SCN1A: variants seen among roughly 807,000 people sequenced by gnomAD.
SCN1A encodes sodium channel protein type 1 subunit alpha.
A neutral mutation model predicts 193.7 loss-of-function variants in SCN1A; 13 were observed. That is an observed-to-expected ratio of 0.07 (90% CI 0.04 to 0.11). SCN1A has a LOEUF of 0.11. Ranked by LOEUF, SCN1A falls within the 10% of genes least tolerant of loss-of-function variation. The pLI, the probability that SCN1A is intolerant of heterozygous loss-of-function variation, is 1.00. For missense variants in SCN1A, 1,432 were observed against 2,451.1 expected, an observed-to-expected ratio of 0.58 and a Z score of 8.78; for synonymous variants, 781 against 843.6, an observed-to-expected ratio of 0.93 and a Z score of 1.29.
chr2:166,111,952 T>A (rs1405276146), intron 2 of SCN1A, among the ~76,000 whole-genome samples: 1 of 152,160 alleles, frequency 6.6e-6, no homozygotes, highest in East Asian at 1.9e-4. Context: ...AGTTGCTTCT[T>A]ATAGACGAGC....
intron 1 of SCN1A, among the ~76,000 whole-genome samples, chr2:166,146,780 C>T (rs1337164099): frequency 6.6e-6 from 1 of 152,128 alleles, no homozygotes; most frequent in Non-Finnish European, 1.5e-5. Flanking sequence ...CAGTATTTAA[C>T]TTCTAAGAGC....
chr2:166,115,955 G>A (rs946863163), intron 2 of SCN1A, among the ~76,000 whole-genome samples: 5 of 152,188 alleles, frequency 3.3e-5, no homozygotes, highest in African/African-American at 7.2e-5. Flanking sequence ...AGAAGAGGTC[G>A]TGGCTATTCA....
intron 4 of SCN1A, among the ~76,000 whole-genome samples, chr2:166,070,728 G>A (rs953062994): frequency 9.2e-5 from 14 of 151,882 alleles, no homozygotes; most frequent in African/African-American, 3.4e-4. Flanking sequence ...ACATCCCCTC[G>A]AGACAATCAC....
intron 19 of SCN1A, among the ~76,000 whole-genome samples, chr2:166,030,182 CTGGAGCAGACTA>C (rs1695366822): frequency 6.6e-6 from 1 of 152,174 alleles, no homozygotes; most frequent in African/African-American, 2.4e-5. Context: ...GAGCGTGACT[CTGGAGCAGACTA>C]TGGAGCAGAC....
At chr2:166,128,871 A>G (rs1268182832), upstream of SCN1A, among the ~76,000 whole-genome samples, 1 of 152,184 alleles carries the variant, frequency 6.6e-6, no homozygotes, top group Non-Finnish European at 1.5e-5. Context: ...CAAACTAATT[A>G]TAACTCTTGG....
chr2:166,084,276 C>T (rs1372589281), intron 2 of SCN1A, among the ~76,000 whole-genome samples: 1 of 150,550 alleles, frequency 6.6e-6, no homozygotes, highest in African/African-American at 2.4e-5. Flanking sequence ...CCTCTCCCCA[C>T]CCCTTCCCAC....
chr2:166,106,104 G>A (rs184863304), intron 2 of SCN1A, among the ~76,000 whole-genome samples: 69 of 152,286 alleles, frequency 4.5e-4, no homozygotes, highest in African/African-American at 1.5e-3. Flanking sequence ...GGAGAATGGC[G>A]TGAACCTGGA....
At position 165,990,991 on chromosome 2, in the gene SCN1A, T is replaced by G; in HGVS notation, c.*254A>C. 6.3e-6 allele frequency: 3 copies of G among 473,496 alleles called. No homozygotes were observed. The highest frequency in any genetic ancestry group is 3.8e-5 in the East Asian group (1 of 26,004). The allele number at this position is 473,496 out of a possible 1,614,324, so 29.3% of individuals were successfully genotyped here. A position where few individuals can be genotyped will look rare whatever the true frequency, so the allele number is the denominator to read the frequency against. ...CTGGTCCCTACAGTCTGACTAGCCA[T>G]TGTGCATCTTATCTTCAGCAGTGTC... is the stretch of plus-strand genomic sequence containing the variant. On this transcript the variant is annotated 3_prime_UTR_variant, in exon 29 of 29. Transcript: ENST00000674923.
At position 166,046,868 on chromosome 2, in the gene SCN1A, C is replaced by T. The variant is rs1192340706; in HGVS notation, c.1279G>A (p.Glu427Lys). The change falls in exon 12 of 29, where the codon GAG (glutamate) becomes AAG (lysine). Residue 427 changes from glutamate (E) to lysine (K), a missense_variant. Transcript: ENST00000674923. ...TCCAAGGTGGCCTGATTCTGTTCCT[C>T]GTAGGCCATGGCCACCACAGCCAGG... ...LILAVVAMAYEEQNQATLEEA... is the reference protein window; with the variant it reads ...LILAVVAMAYKEQNQATLEEA... The T allele has an allele frequency of 2.5e-6, 4 of 1,613,850 alleles. No individual in the cohort carries two copies. Among genetic ancestry groups the T allele is most frequent in the Admixed American group, 1.7e-5 (1 of 59,980 alleles).
chr2:166,024,887 C>T (rs1045900283), intron 19 of SCN1A, among the ~76,000 whole-genome samples: 1 of 152,204 alleles, frequency 6.6e-6, no homozygotes, highest in Non-Finnish European at 1.5e-5. Flanking sequence ...CTCCGGAGCT[C>T]AAGCAATTCA....
intron 11 of SCN1A, 82 bp from the exon 12 acceptor site, chr2:166,047,058 A>G: frequency 1.4e-6 from 2 of 1,445,062 alleles, no homozygotes; most frequent in Admixed American, 3.5e-5. Context: ...TCATGTGTCT[A>G]GCAAAACTCA....
rs544940604 is a variant in SCN1A at position 166,043,473 on chromosome 2, A to G, written c.2043+196T>C. ...AATCCTTAGCACTTTTAATAAGTAA[A>G]TGCATTCAGGTTTGTGCAGGAGACT... is the stretch of plus-strand genomic sequence containing the variant. On this transcript the variant is annotated intron_variant, in intron 14 of 28. Transcript: ENST00000674923. Among the ~76,000 whole-genome samples the G allele has an allele frequency of 7.2e-5, 11 of 152,322 alleles. No individual in the cohort carries two copies. The East Asian group carries it at 1.7e-3, about 24-fold the overall frequency.
chr2:166,115,923 G>A (rs953193351), intron 2 of SCN1A, among the ~76,000 whole-genome samples: 1 of 152,130 alleles, frequency 6.6e-6, no homozygotes, highest in Non-Finnish European at 1.5e-5. Flanking sequence ...CAACACAAAA[G>A]GAAATTAATC....
chr2:166,037,699 T>C lies in SCN1A; in HGVS notation c.2946+77A>G, dbSNP rs116647099. ...TAAGTTTTAGGGTACATGTGCACAA[T>C]GTGCAGGTTAGTTACATATGTATAC... On this transcript the variant is annotated intron_variant, in intron 18 of 28. Transcript: ENST00000674923. 38,587 of 1,252,996 alleles carry C rather than the reference T, an allele frequency of 0.031. 746 individuals carry two copies. The highest frequency in any genetic ancestry group is 0.037 in the Non-Finnish European group (31,581 of 850,658). The allele number at this position is 1,252,996 out of a possible 1,614,324, so 77.6% of individuals were successfully genotyped here.
chr2:166,111,733 A>C (rs35831635), intron 2 of SCN1A, among the ~76,000 whole-genome samples: 1 of 152,102 alleles, frequency 6.6e-6, no homozygotes, highest in Non-Finnish European at 1.5e-5. Flanking sequence ...GAACATTTGT[A>C]ATTCATGGGA....
chr2:166,130,917 A>C (rs978784412), upstream of SCN1A, among the ~76,000 whole-genome samples: 1 of 152,108 alleles, frequency 6.6e-6, no homozygotes, highest in African/African-American at 2.4e-5. Context: ...TTATTTTTTA[A>C]AGTTAGCAGA....
intron 2 of SCN1A, among the ~76,000 whole-genome samples, chr2:166,125,824 T>G (rs1691183847): frequency 6.6e-6 from 1 of 151,962 alleles, no homozygotes; most frequent in Non-Finnish European, 1.5e-5. Context: ...TCCTGCCATG[T>G]CTTAAAGAGA....
At chr2:166,064,690 C>T (rs1362628024) in intron 4 of SCN1A, among the ~76,000 whole-genome samples, 1 of 152,044 alleles carries the variant, frequency 6.6e-6, no homozygotes, top group African/African-American at 2.4e-5. Context: ...ATTACCTTAA[C>T]ATTTATTTCA....
rs112447163 is a variant in SCN1A, at chr2:166,028,614, C to T, written c.3429+7434G>A. 5.3e-3 allele frequency among the ~76,000 whole-genome samples: 809 copies of T among 152,240 alleles called. 2 individuals are homozygous for T. Among genetic ancestry groups the T allele is most frequent in the African/African-American group, 0.019 (775 of 41,556 alleles). On this transcript the variant is annotated intron_variant, in intron 19 of 28. Coordinates refer to ENST00000674923, the MANE Select transcript of SCN1A (RefSeq NM_001165963.4). ...TGTAAAATGGTTCTTACTTCACATC[C>T]TTGTTATAAGGACTGAACAAGATAA...
Sources: allele counts gnomAD v4.1 joint callset (sites outside exome capture counted in the v4.1 genomes callset), GRCh38; gene constraint gnomAD v4.1.1; transcripts MANE v1.5; gene names NCBI Gene and HGNC (gene_info 2026-07-23, HGNC 2026-07-21).